SMYD3: variants seen among roughly 807,000 people sequenced by gnomAD.
SMYD3 encodes the protein histone-lysine N-methyltransferase SMYD3.
A neutral mutation model predicts 57.7 loss-of-function variants in SMYD3; 36 were observed. The observed-to-expected ratio is 0.62, with a 90% CI of 0.48 to 0.82. SMYD3 has a LOEUF of 0.82. SMYD3 is among the 40% of genes least tolerant of loss of function. The pLI, the probability that SMYD3 is intolerant of heterozygous loss-of-function variation, is 0.00. For synonymous variants in SMYD3, 211 were observed against 195.0 expected, an observed-to-expected ratio of 1.08 and a Z score of -0.68; for missense variants, 515 against 538.8, an observed-to-expected ratio of 0.96 and a Z score of 0.44.
intron 9 of SMYD3, among the ~76,000 whole-genome samples, chr1:245,862,632 C>T (rs1572537492): frequency 2.7e-5 from 1 of 37,564 alleles, no homozygotes; most frequent in Admixed American, 3.1e-4. Context: ...ATTAAAGAGG[C>T]CCGAGATGGA....
intron 5 of SMYD3, among the ~76,000 whole-genome samples, chr1:246,107,154 G>A (rs2061143006): frequency 6.7e-6 from 1 of 148,256 alleles, no homozygotes. Flanking sequence ...AGGCGTGGTG[G>A]CAGGCGCCTG....
intron 7 of SMYD3, among the ~76,000 whole-genome samples, chr1:245,927,370 T>C (rs1162412211): frequency 2.0e-5 from 3 of 152,218 alleles, no homozygotes; most frequent in Non-Finnish European, 2.9e-5. Flanking sequence ...CTGTCCTCTA[T>C]TCCCTTTGCA....
At chr1:245,860,136 T>G (rs2051456841) in intron 9 of SMYD3, among the ~76,000 whole-genome samples, 1 of 88,032 alleles carries the variant, frequency 1.1e-5, no homozygotes, top group Non-Finnish European at 3.2e-5. Flanking sequence ...TGGACTGAGT[T>G]TGACTGAACT....
intron 5 of SMYD3, among the ~76,000 whole-genome samples, chr1:246,145,487 CAAGTTTTA>C (rs2061829055): frequency 6.6e-6 from 1 of 152,144 alleles, no homozygotes; most frequent in Admixed American, 6.5e-5. Flanking sequence ...GGATTAAAGA[CAAGTTTTA>C]AAGTGCTGTT....
At chr1:246,319,071 G>T (rs1460423742) in intron 5 of SMYD3, among the ~76,000 whole-genome samples, 1 of 152,174 alleles carries the variant, frequency 6.6e-6, no homozygotes, top group East Asian at 1.9e-4. Flanking sequence ...TGAAGGTAGA[G>T]AAATATTTCT....
At chr1:246,424,118 G>A in intron 1 of SMYD3, among the ~76,000 whole-genome samples, 1 of 152,160 alleles carries the variant, frequency 6.6e-6, no homozygotes, top group East Asian at 1.9e-4. Context: ...AATGAAGAGT[G>A]CTAGAAATGT....
intron 5 of SMYD3, among the ~76,000 whole-genome samples, chr1:246,205,936 A>T (rs917337285): frequency 1.3e-5 from 2 of 152,134 alleles, no homozygotes; most frequent in Admixed American, 6.5e-5. Flanking sequence ...GGGGATCACA[A>T]TATTAAAGCC....
chr1:245,981,208 G>A (rs1275415127), intron 5 of SMYD3, among the ~76,000 whole-genome samples: 1 of 152,214 alleles, frequency 6.6e-6, no homozygotes, highest in African/African-American at 2.4e-5. Context: ...TAAATATTGA[G>A]GTTTTAGGAC....
chr1:245,797,827 C>CAAAAA (rs2047609152), intron 10 of SMYD3, among the ~76,000 whole-genome samples: 1 of 53,906 alleles, frequency 1.9e-5, no homozygotes, highest in African/African-American at 1.0e-4. Context: ...CTTCCGGGTT[C>CAAAAA]CAAAAAAAAA....
intron 5 of SMYD3, among the ~76,000 whole-genome samples, chr1:246,278,672 C>T (rs1405035029): frequency 6.6e-6 from 1 of 152,092 alleles, no homozygotes; most frequent in South Asian, 2.1e-4. Flanking sequence ...GATTTCCATA[C>T]GAGAACACAG....
chr1:246,370,097 A>G (rs893952893), intron 1 of SMYD3, among the ~76,000 whole-genome samples: 1 of 152,294 alleles, frequency 6.6e-6, no homozygotes, highest in Non-Finnish European at 1.5e-5. Flanking sequence ...GCAACCCTCT[A>G]AACTAAAGCT....
chr1:246,335,256 T>C (rs916554878), intron 3 of SMYD3, 111 bp downstream of exon 3: 20 of 942,784 alleles, frequency 2.1e-5, no homozygotes, highest in Non-Finnish European at 2.9e-5. Context: ...ATTTGCTTTA[T>C]TGTGGTAGTC....
intron 5 of SMYD3, among the ~76,000 whole-genome samples, chr1:246,175,969 G>A (rs764880887): frequency 2.4e-4 from 36 of 152,112 alleles, no homozygotes; most frequent in Non-Finnish European, 4.4e-4. Flanking sequence ...AAAGCAATTT[G>A]TACTGACTCA....
intron 5 of SMYD3, among the ~76,000 whole-genome samples, chr1:246,196,929 G>C (rs535169638): frequency 1.5e-4 from 22 of 151,134 alleles, no homozygotes; most frequent in Admixed American, 3.3e-4. Context: ...TCTAGGATAT[G>C]AGCAGGAAAC....
rs1269959958 is a variant in SMYD3 at position 246,135,252 on chromosome 1, C to A, written c.531+191949G>T. On this transcript the variant is annotated intron_variant, in intron 5 of 11. Coordinates refer to ENST00000490107, the MANE Select transcript of SMYD3 (RefSeq NM_001167740.2). Reference sequence around the variant, plus strand: ...AATGGTTTAGAGTAGGACCTTTGGTCCCATTCATCCTTCTATGTGGAGCAT... The same window carrying A: ...AATGGTTTAGAGTAGGACCTTTGGTACCATTCATCCTTCTATGTGGAGCAT... Among the ~76,000 whole-genome samples the A allele has an allele frequency of 4.6e-5, 7 of 152,068 alleles. No homozygotes were observed. In the East Asian group the frequency reaches 1.3e-3, roughly 29 times the overall value.
intron 5 of SMYD3, among the ~76,000 whole-genome samples, chr1:245,939,082 A>G (rs1189005706): frequency 1.3e-5 from 2 of 151,936 alleles, no homozygotes; most frequent in African/African-American, 4.8e-5. Context: ...AGTGGAGGTT[A>G]CAGTGAGCCA....
intron 1 of SMYD3, among the ~76,000 whole-genome samples, chr1:246,469,498 A>T (rs2067929402): frequency 6.6e-6 from 1 of 152,150 alleles, no homozygotes; most frequent in Non-Finnish European, 1.5e-5. Flanking sequence ...AAAATTATGG[A>T]GGTAGATCAA....
chr1:246,449,547 T>G (rs1426147563), intron 1 of SMYD3, among the ~76,000 whole-genome samples: 1 of 152,206 alleles, frequency 6.6e-6, no homozygotes, highest in Non-Finnish European at 1.5e-5. Flanking sequence ...GATTACCTTA[T>G]GCAAGTTCTA....
chr1:245,999,162 CA>C (rs1318631474), intron 5 of SMYD3, among the ~76,000 whole-genome samples: 6 of 150,830 alleles, frequency 4.0e-5, no homozygotes, highest in South Asian at 2.1e-4. Context: ...ATTTTACCAC[CA>C]AAAAAAACCC....
Sources: gnomAD v4.1 joint callset for allele counts (sites outside exome capture counted in the v4.1 genomes callset) on GRCh38, gnomAD v4.1.1 for gene constraint, MANE v1.5 for transcripts, NCBI Gene and HGNC (gene_info 2026-07-23, HGNC 2026-07-21) for gene names.